The following RNF121 variants were observed in gnomAD, a reference collection of about 807,000 sequenced individuals.
The protein encoded by RNF121 is E3 ubiquitin ligase RNF121.
Under a neutral mutation model 46.5 loss-of-function variants are expected in RNF121, and 21 were observed. The ratio of observed to expected loss-of-function variants is 0.45; its 90% CI spans 0.32 to 0.65. The LOEUF (loss-of-function observed/expected upper bound fraction) is 0.65. RNF121 is among the 30% of genes least tolerant of loss of function. The probability of loss-of-function intolerance (pLI) is 0.04; values close to 1 mark genes in which losing one functional copy is unlikely to be tolerated. For missense variants in RNF121, 346 were observed against 416.0 expected (o/e 0.83, Z 1.46); for synonymous variants, 139 against 144.7 (o/e 0.96, Z 0.28).
Position 71,995,140 on chromosome 11 carries a change from G to A in RNF121, c.761+288G>A, listed in dbSNP as rs79075276. On this transcript the variant is annotated intron_variant, in intron 7 of 8. Coordinates refer to ENST00000361756, the MANE Select transcript of RNF121 (RefSeq NM_018320.5). ...CACAGGGGAAGAGGACCCTCTAATG[G>A]GATCCCTCAGTTTAGCATCATCCTC... 9.7e-3 allele frequency: 5,440 copies of A among 561,118 alleles called. 219 individuals are homozygous for A. Among genetic ancestry groups the A allele is most frequent in the African/African-American group, 0.092 (4,925 of 53,430 alleles). The allele number at this position is 561,118 out of a possible 1,614,324, so 34.8% of individuals were successfully genotyped here.
intron 5 of RNF121, among the ~76,000 whole-genome samples, chr11:71,989,242 G>A (rs906784820): frequency 7.2e-5 from 11 of 151,976 alleles, no homozygotes; most frequent in Non-Finnish European, 1.5e-4. Context: ...CACCACACCC[G>A]GCTAATTTTT....
chr11:71,978,502 A>C (rs1954580673), intron 3 of RNF121, among the ~76,000 whole-genome samples: 1 of 152,156 alleles, frequency 6.6e-6, no homozygotes, highest in South Asian at 2.1e-4. Context: ...TTCATATGTC[A>C]GTTATTTTGG....
intron 1 of RNF121, among the ~76,000 whole-genome samples, chr11:71,948,662 C>CAGG (rs1953787807): frequency 1.3e-5 from 2 of 152,048 alleles, no homozygotes; most frequent in Admixed American, 1.3e-4. Context: ...CCAAAGTGTG[C>CAGG]CACCCTTGTC....
At chr11:71,950,959 C>T (rs934449737) in intron 1 of RNF121, among the ~76,000 whole-genome samples, 2 of 151,886 alleles carry the variant, frequency 1.3e-5, no homozygotes, top group South Asian at 4.2e-4. Flanking sequence ...GTATGGTGGC[C>T]CACACCTGTA....
At chr11:71,949,725 G>A (rs921028569) in intron 1 of RNF121, among the ~76,000 whole-genome samples, 5 of 151,866 alleles carry the variant, frequency 3.3e-5, no homozygotes, top group African/African-American at 9.7e-5. Context: ...GGCCGGGCAC[G>A]GTGGCTCACA....
At position 71,954,820 on chromosome 11, in the gene RNF121, A is replaced by T. The variant is rs964492247; in HGVS notation, c.64-2407A>T. On this transcript the variant is annotated intron_variant, in intron 1 of 8. Coordinates refer to ENST00000361756, the MANE Select transcript of RNF121 (RefSeq NM_018320.5). The stretch of plus-strand genomic sequence containing the variant: ...TGTCAAATGAATACTCCTTTCCCTG[A>T]TGCTTATTAGTTATTTTTCAAGTGT... Among the ~76,000 whole-genome samples the T allele has an allele frequency of 2.0e-5, 3 of 152,102 alleles. No individual in the cohort carries two copies. The South Asian group carries it at 6.2e-4, about 32-fold the overall frequency.
At chr11:71,944,997 G>GTT (rs559152542) in intron 1 of RNF121, among the ~76,000 whole-genome samples, 1 of 145,040 alleles carries the variant, frequency 6.9e-6, no homozygotes, top group African/African-American at 2.5e-5. Context: ...CTTTTTTGTT[G>GTT]TTTTTTTTTT....
chr11:71,978,636 T>C (rs2134200442), intron 3 of RNF121, among the ~76,000 whole-genome samples: 1 of 152,354 alleles, frequency 6.6e-6, no homozygotes, highest in Non-Finnish European at 1.5e-5. Context: ...ACACTTGTTT[T>C]ATACATATTA....
intron 1 of RNF121, among the ~76,000 whole-genome samples, chr11:71,941,296 A>G (rs1321834784): frequency 6.6e-6 from 1 of 152,222 alleles, no homozygotes; most frequent in East Asian, 1.9e-4. Flanking sequence ...TAAAAATGTT[A>G]AATAGCAGTG....
At chr11:71,934,454 G>A (rs544829577) in intron 1 of RNF121, among the ~76,000 whole-genome samples, 1 of 152,334 alleles carries the variant, frequency 6.6e-6, no homozygotes. Flanking sequence ...CCCCCAGTGG[G>A]CAGACTGTGG....
intron 4 of RNF121, among the ~76,000 whole-genome samples, chr11:71,986,509 T>C (rs1954773390): frequency 6.6e-6 from 1 of 152,178 alleles, no homozygotes; most frequent in African/African-American, 2.4e-5. Context: ...GGCTCACGCC[T>C]ATAATCCAAA....
chr11:71,936,945 A>G (rs138293171), intron 1 of RNF121, among the ~76,000 whole-genome samples: 1 of 152,344 alleles, frequency 6.6e-6, no homozygotes, highest in Non-Finnish European at 1.5e-5. Flanking sequence ...GTAGATGTGG[A>G]TTCTGTTAAG....
chr11:71,994,031 G>A (rs760721983), intron 6 of RNF121, among the ~76,000 whole-genome samples: 3 of 151,862 alleles, frequency 2.0e-5, no homozygotes, highest in South Asian at 4.2e-4. Flanking sequence ...TAGTAGAGAC[G>A]GGGTTTCACT....
intron 6 of RNF121, among the ~76,000 whole-genome samples, chr11:71,994,313 T>C (rs1954928583): frequency 6.6e-6 from 1 of 152,202 alleles, no homozygotes; most frequent in Non-Finnish European, 1.5e-5. Flanking sequence ...TTCACTGTTT[T>C]AAATGTTGGA....
chr11:71,969,164 G>C (rs1488796100), intron 3 of RNF121, among the ~76,000 whole-genome samples: 1 of 152,108 alleles, frequency 6.6e-6, no homozygotes, highest in African/African-American at 2.4e-5. Flanking sequence ...TGGGATTACA[G>C]ACGTGAGCCA....
intron 1 of RNF121, among the ~76,000 whole-genome samples, chr11:71,946,648 T>G (rs1336652587): frequency 7.6e-6 from 1 of 131,344 alleles, no homozygotes; most frequent in African/African-American, 3.1e-5. Flanking sequence ...GAGCATGAGG[T>G]TTTTTTTTTT....
At chr11:71,948,513 CA>C (rs55762433) in intron 1 of RNF121, among the ~76,000 whole-genome samples, 2,285 of 35,342 alleles carry the variant, frequency 0.065, 13 homozygotes, top group African/African-American at 0.23. Flanking sequence ...AAACTGTCTC[CA>C]AAAAAAAAAA....
intron 1 of RNF121, among the ~76,000 whole-genome samples, chr11:71,942,348 A>G (rs557592620): frequency 4.1e-4 from 62 of 152,188 alleles, no homozygotes; most frequent in African/African-American, 1.4e-3. Flanking sequence ...ACTCAGTGAG[A>G]GGGTTAGGAA....
chr11:71,994,813 G>C lies in RNF121; in HGVS notation c.722G>C (p.Gly241Ala), dbSNP rs752432768. ...ATCTTTGTGGACGTCAGTGAAGAGG[G>C]GATCATTGAGAACACGTATAGGCTG... ...QQIFVDVSEE[G>A]IIENTYRLSC... The change falls in exon 7 of 9, where the codon GGG becomes GCG. Residue 241 changes from glycine (G) to alanine (A), a missense_variant. Gly to Ala is a moderately conservative substitution (Grantham distance 60). This residue lies in a region of RNF121 where 286 missense variants were observed against 383.8 expected (regional missense o/e 0.75). Coordinates refer to ENST00000361756, the MANE Select transcript of RNF121 (RefSeq NM_018320.5). 6.2e-7 allele frequency: 1 copy of C among 1,614,154 alleles called. No individual in the cohort carries two copies. The highest frequency in any genetic ancestry group is 8.5e-7 in the Non-Finnish European group (1 of 1,180,026).
Sources: gnomAD v4.1 joint callset for allele counts (sites outside exome capture counted in the v4.1 genomes callset) on GRCh38, gnomAD v4.1.1 for gene constraint, gnomAD v4.1.1 regional missense constraint, MANE v1.5 for transcripts, NCBI Gene and HGNC (gene_info 2026-07-23, HGNC 2026-07-21) for gene names.